The following COLGALT2 variants were observed in gnomAD, a reference collection of about 807,000 sequenced individuals.
COLGALT2 encodes the protein collagen beta(1-O)galactosyltransferase 2, also known as procollagen galactosyltransferase 2.
COLGALT2 carries 49 observed loss-of-function variants against 73.4 expected under a neutral mutation model. The observed-to-expected ratio is 0.67, with a 90% CI of 0.53 to 0.85. The LOEUF is 0.85. Among genes scored for constraint, COLGALT2 ranks in the 40% least tolerant of loss-of-function variants. The pLI is 0.00. For missense variants in COLGALT2, 722 were observed against 790.2 expected (o/e 0.91, Z 1.03); for synonymous variants, 295 against 307.6 (o/e 0.96, Z 0.43).
In COLGALT2 at chr1:183,938,393, G is replaced by T; in HGVS notation, c.*368C>A. ...GCCTGGCTGCCTTGACTACATATTT[G>T]CTGATGTGACAGCTCGGTGATCACT... On this transcript the variant is annotated 3_prime_UTR_variant, in exon 12 of 12. Coordinates refer to ENST00000361927, the MANE Select transcript of COLGALT2 (RefSeq NM_015101.4). 9.4e-7 allele frequency: 1 copy of T among 1,061,786 alleles called. No individual in the cohort carries two copies. Among genetic ancestry groups the T allele is most frequent in the Non-Finnish European group, 1.1e-6 (1 of 877,206 alleles). The allele number at this position is 1,061,786 out of a possible 1,614,324, so 65.8% of individuals were successfully genotyped here.
intron 1 of COLGALT2, among the ~76,000 whole-genome samples, chr1:184,001,205 CT>C (rs1376887918): frequency 6.6e-6 from 1 of 152,142 alleles, no homozygotes; most frequent in Non-Finnish European, 1.5e-5. Context: ...CTATGTTGTT[CT>C]TTTTTGGTAA....
At chr1:184,024,345 T>A (rs1381690883) in intron 1 of COLGALT2, among the ~76,000 whole-genome samples, 2 of 150,294 alleles carry the variant, frequency 1.3e-5, no homozygotes, top group African/African-American at 5.0e-5. Context: ...TTTCAGCTTT[T>A]TTCTTTTTCT....
At chr1:183,982,950 G>A (rs954035288) in intron 1 of COLGALT2, among the ~76,000 whole-genome samples, 8 of 152,128 alleles carry the variant, frequency 5.3e-5, no homozygotes, top group Non-Finnish European at 8.8e-5. Flanking sequence ...CTTATCGTAC[G>A]AAATGTGTTT....
intron 1 of COLGALT2, among the ~76,000 whole-genome samples, chr1:184,005,948 T>C (rs1448618110): frequency 6.6e-6 from 1 of 152,184 alleles, no homozygotes. Flanking sequence ...GTTTTAGGTA[T>C]CTAAGGAAGA....
chr1:183,989,867 G>A (rs553985381), intron 1 of COLGALT2, among the ~76,000 whole-genome samples: 6 of 152,214 alleles, frequency 3.9e-5, no homozygotes, highest in African/African-American at 1.4e-4. Context: ...GGGTTATTTT[G>A]AGGAGCCAAC....
At chr1:183,939,257 T>C (rs1287362695) in intron 11 of COLGALT2, among the ~76,000 whole-genome samples, 1 of 152,198 alleles carries the variant, frequency 6.6e-6, no homozygotes, top group African/African-American at 2.4e-5. Flanking sequence ...TCTGACGTAT[T>C]TGAATAGACT....
At chr1:183,980,562 G>A (rs1257060094) in intron 1 of COLGALT2, among the ~76,000 whole-genome samples, 2 of 151,950 alleles carry the variant, frequency 1.3e-5, no homozygotes, top group Non-Finnish European at 2.9e-5. Context: ...TCCAAGAAGA[G>A]AGTAAACAGG....
chr1:183,969,647 T>C (rs1026977019), intron 4 of COLGALT2, among the ~76,000 whole-genome samples, 174 bp from the exon 5 acceptor site: 1 of 152,238 alleles, frequency 6.6e-6, no homozygotes, highest in African/African-American at 2.4e-5. Context: ...GCACAAGAAA[T>C]GCTGTCTACA....
rs181954464 is a variant in COLGALT2, at chr1:183,998,102, C to G, written c.264-19582G>C. ...CCAAATTGTCTTCAAAGTAGTTGCA[C>G]CAATTGATAGTCCCAGGAGCAGTAT... On this transcript the variant is annotated intron_variant, in intron 1 of 11. Coordinates refer to ENST00000361927, the MANE Select transcript of COLGALT2 (RefSeq NM_015101.4). Among the ~76,000 whole-genome samples, 3 of 152,260 alleles carry G rather than the reference C, an allele frequency of 2.0e-5. No homozygotes were observed. In the East Asian group the frequency reaches 5.8e-4, roughly 29 times the overall value.
intron 1 of COLGALT2, among the ~76,000 whole-genome samples, chr1:184,020,530 C>G (rs1235071965): frequency 2.0e-5 from 3 of 152,130 alleles, no homozygotes; most frequent in Non-Finnish European, 4.4e-5. Context: ...TCCTCAACAT[C>G]TTGACAAGAT....
rs1670163667 is a variant in COLGALT2 at position 183,943,323 on chromosome 1, G to A, written c.1397+873C>T. ...CTGCTGCAGCTGCTCCAAAGAAGCA[G>A]GCTCAGAGTTGATGAATTGCCTTTG... On this transcript the variant is annotated intron_variant, in intron 10 of 11. Coordinates refer to ENST00000361927, the MANE Select transcript of COLGALT2 (RefSeq NM_015101.4). 4.6e-5 allele frequency among the ~76,000 whole-genome samples: 7 copies of A among 152,300 alleles called. 1 individual carries two copies. The South Asian group carries it at 1.4e-3, about 32-fold the overall frequency.
chr1:184,001,981 C>T (rs1387445005), intron 1 of COLGALT2, among the ~76,000 whole-genome samples: 2 of 152,244 alleles, frequency 1.3e-5, no homozygotes, highest in Non-Finnish European at 2.9e-5. Context: ...CCAAGTACAG[C>T]CTTTGAATGA....
chr1:183,974,750 C>T (rs1671142438), intron 3 of COLGALT2, among the ~76,000 whole-genome samples: 1 of 152,154 alleles, frequency 6.6e-6, no homozygotes, highest in Admixed American at 6.5e-5. Context: ...TTTTCATATC[C>T]CCCAAATTCT....
rs549606567 is a variant in COLGALT2 at position 183,970,671 on chromosome 1, C to T, written c.628-1198G>A. Among the ~76,000 whole-genome samples the T allele has an allele frequency of 3.3e-5, 5 of 152,220 alleles. No homozygotes were observed. The South Asian group carries it at 1.0e-3, about 32-fold the overall frequency. ...CCGTTTGATCTTAGTCCATGCCTAC[C>T]CTCTTTGAGCCTGAGTTTTTTCTCC... is the stretch of plus-strand genomic sequence containing the variant. On this transcript the variant is annotated intron_variant, in intron 4 of 11. Coordinates refer to ENST00000361927, the MANE Select transcript of COLGALT2 (RefSeq NM_015101.4).
At chr1:183,979,828 A>T (rs1335626705) in intron 1 of COLGALT2, among the ~76,000 whole-genome samples, 1 of 152,060 alleles carries the variant, frequency 6.6e-6, no homozygotes, top group African/African-American at 2.4e-5. Flanking sequence ...ACTAATAGAG[A>T]CTTCTCAAGT....
intron 7 of COLGALT2, among the ~76,000 whole-genome samples, chr1:183,952,655 T>A (rs1670431996): frequency 6.6e-6 from 1 of 152,210 alleles, no homozygotes; most frequent in Admixed American, 6.5e-5. Flanking sequence ...TTTCTATCCA[T>A]TTATAAATCC....
downstream of COLGALT2, among the ~76,000 whole-genome samples, chr1:183,935,126 C>T (rs891026960): frequency 2.6e-5 from 4 of 152,228 alleles, no homozygotes; most frequent in African/African-American, 9.6e-5. Flanking sequence ...GCCCAGCCCT[C>T]CTCCCTCTTC....
At chr1:183,933,110 TA>T (rs369839578), downstream of COLGALT2, among the ~76,000 whole-genome samples, 35 of 152,326 alleles carry the variant, frequency 2.3e-4, no homozygotes, top group African/African-American at 6.7e-4. Context: ...GTTGCAGACT[TA>T]AAAGGATAAA....
At chr1:183,971,885 A>G (rs1381039223) in intron 4 of COLGALT2, among the ~76,000 whole-genome samples, 1 of 152,244 alleles carries the variant, frequency 6.6e-6, no homozygotes, top group Non-Finnish European at 1.5e-5. Flanking sequence ...GCTATACTGC[A>G]GTTTACTTAA....
Sources: allele counts gnomAD v4.1 joint callset (sites outside exome capture counted in the v4.1 genomes callset), GRCh38; gene constraint gnomAD v4.1.1; transcripts MANE v1.5; gene names NCBI Gene and HGNC (gene_info 2026-07-23, HGNC 2026-07-21).